The following PAPPA variants were observed in gnomAD, a reference collection of about 807,000 sequenced individuals.
PAPPA encodes the protein pappalysin-1.
In PAPPA, 60 loss-of-function variants were observed where a neutral mutation model predicts 164.0. The observed-to-expected ratio is 0.37, with a 90% CI of 0.30 to 0.45. The LOEUF is 0.45. PAPPA is among the 20% of genes least tolerant of loss of function. The pLI is 1.00. For synonymous variants in PAPPA, 875 were observed against 814.1 expected (o/e 1.07, Z -1.27); for missense variants, 1,782 against 2,087.3 (o/e 0.85, Z 2.85).
chr9:116,313,556 A>T (rs189031295), intron 10 of PAPPA, among the ~76,000 whole-genome samples: 1 of 152,310 alleles, frequency 6.6e-6, no homozygotes, highest in East Asian at 1.9e-4. Flanking sequence ...GAAGGAGGAG[A>T]TAAACTGACA....
At chr9:116,308,041 C>G (rs1845669177) in intron 10 of PAPPA, among the ~76,000 whole-genome samples, 1 of 152,180 alleles carries the variant, frequency 6.6e-6, no homozygotes, top group South Asian at 2.1e-4. Context: ...AAAGCTGGCT[C>G]TAGGGACCCA....
At chr9:116,363,444 C>T (rs1846456423) in intron 18 of PAPPA, among the ~76,000 whole-genome samples, 1 of 152,166 alleles carries the variant, frequency 6.6e-6, no homozygotes, top group African/African-American at 2.4e-5. Flanking sequence ...GAGAAATACA[C>T]ACAGTGAGAA....
intron 19 of PAPPA, among the ~76,000 whole-genome samples, chr9:116,370,977 C>A (rs918007269): frequency 1.3e-5 from 2 of 152,264 alleles, no homozygotes; most frequent in South Asian, 4.2e-4. Flanking sequence ...TGTCCTGGAG[C>A]AAATCCTGTC....
intron 9 of PAPPA, among the ~76,000 whole-genome samples, chr9:116,295,417 G>T (rs1387711597): frequency 6.6e-6 from 1 of 151,942 alleles, no homozygotes; most frequent in Non-Finnish European, 1.5e-5. Context: ...AGCCGGATGT[G>T]GTGGCGGGTG....
rs188394139 is a variant in PAPPA at position 116,346,979 on chromosome 9, T to C, written c.3781-47T>C. The C allele has an allele frequency of 5.9e-5, 90 of 1,523,192 alleles. No homozygotes were observed. In the Admixed American group the frequency reaches 1.6e-3, roughly 27 times the overall value. The allele number at this position is 1,523,192 out of a possible 1,614,324, so 94.4% of individuals were successfully genotyped here. A position where few individuals can be genotyped will look rare whatever the true frequency, so the allele number is the denominator to read the frequency against. On this transcript the variant is annotated intron_variant, in intron 14 of 21. Coordinates refer to ENST00000328252, the MANE Select transcript of PAPPA (RefSeq NM_002581.5). ...GGGAAGAAGGGTATTTCTCCACATCTAGAGCTCAGTCTGCCACTCCTCACT... is the reference window on the plus strand; with the variant it reads ...GGGAAGAAGGGTATTTCTCCACATCCAGAGCTCAGTCTGCCACTCCTCACT...
chr9:116,172,464 T>C (rs1305290412), intron 1 of PAPPA, among the ~76,000 whole-genome samples: 1 of 152,178 alleles, frequency 6.6e-6, no homozygotes, highest in Non-Finnish European at 1.5e-5. Context: ...CTAGACACAG[T>C]AGCCACAACC....
intron 12 of PAPPA, among the ~76,000 whole-genome samples, chr9:116,333,480 T>G (rs2118953353): frequency 6.6e-6 from 1 of 152,296 alleles, no homozygotes; most frequent in Admixed American, 6.5e-5. Context: ...AAGCCTGGAC[T>G]TCAAAGTTGT....
At chr9:116,231,760 C>CTTTTT (rs1470170244) in intron 6 of PAPPA, among the ~76,000 whole-genome samples, 2 of 2,826 alleles carry the variant, frequency 7.1e-4, no homozygotes, top group African/African-American at 2.6e-3. Context: ...CTTTTCTTTT[C>CTTTTT]TTTTTCTTTT....
At chr9:116,253,947 TTATC>T (rs1316831047) in intron 7 of PAPPA, among the ~76,000 whole-genome samples, 1 of 152,214 alleles carries the variant, frequency 6.6e-6, no homozygotes. Context: ...TCCAAACTCA[TTATC>T]TATACTGCTA....
At chr9:116,247,272 G>A (rs991751837) in intron 7 of PAPPA, among the ~76,000 whole-genome samples, 2 of 152,194 alleles carry the variant, frequency 1.3e-5, no homozygotes, top group Non-Finnish European at 1.5e-5. Flanking sequence ...AGGAATGCTA[G>A]TTTCAACTCT....
intron 2 of PAPPA, among the ~76,000 whole-genome samples, chr9:116,201,391 G>A (rs1587949340): frequency 6.6e-6 from 1 of 152,182 alleles, no homozygotes; most frequent in South Asian, 2.1e-4. Context: ...TCAGAATTTG[G>A]AAATGGGCAA....
Position 116,187,676 on chromosome 9 carries a change from C to T in PAPPA, c.938C>T (p.Ala313Val). The change falls in exon 2 of 22, where the codon GCC becomes GTC. Residue 313 changes from alanine (A) to valine (V), a missense_variant. Around this residue, in one of 2 missense-constraint regions of PAPPA, gnomAD observed 458 missense variants for 430.3 expected, o/e 1.06. Transcript: ENST00000328252. This position sits in a 1 kb window ranked among gnomAD's most constrained non-coding sequence, Gnocchi z 4.2. ...GSSPKVEFSN[A>V]HGFLLDTSLE... ...AGCCCCAAAGTGGAATTCAGCAATG[C>T]CCACGGCTTTCTGCTGGACACGAGT... The T allele has an allele frequency of 6.2e-7, 1 of 1,614,254 alleles. No homozygotes were observed.
intron 6 of PAPPA, among the ~76,000 whole-genome samples, chr9:116,234,310 C>T (rs982423124): frequency 4.6e-5 from 7 of 151,978 alleles, no homozygotes; most frequent in Non-Finnish European, 8.8e-5. Flanking sequence ...TCCTTCTCCC[C>T]GCTCCTCACC....
intron 7 of PAPPA, among the ~76,000 whole-genome samples, chr9:116,258,960 C>T (rs997987259): frequency 3.3e-5 from 5 of 151,878 alleles, no homozygotes; most frequent in African/African-American, 1.2e-4. Context: ...ATGGTAAAAC[C>T]CCATCTCTAC....
At chr9:116,288,562 G>T (rs1416048505) in intron 9 of PAPPA, 2 of 151,010 alleles carry the variant, frequency 1.3e-5, no homozygotes, top group African/African-American at 4.9e-5. Context: ...TGTTAAAGAA[G>T]AAAATTACAG....
At chr9:116,364,349 C>T (rs1340353708) in intron 18 of PAPPA, among the ~76,000 whole-genome samples, 1 of 152,194 alleles carries the variant, frequency 6.6e-6, no homozygotes, top group Non-Finnish European at 1.5e-5. Context: ...TGCTGCATAT[C>T]TATACCCACT....
At position 116,187,594 on chromosome 9, in the gene PAPPA, C is replaced by T. The variant is rs778367669; in HGVS notation, c.856C>T (p.Leu286Phe). 1.2e-6 allele frequency: 2 copies of T among 1,614,252 alleles called. No individual in the cohort carries two copies. Among genetic ancestry groups the T allele is most frequent in the South Asian group, 1.1e-5 (1 of 91,088 alleles). ...CCACACTGCTCTACCTCAGCTCCTC[C>T]TCCAGGAGAACTGGGACAATGTGAA... ...GAHTALPQLLLQENWDNVKHA... is the reference protein window; with the variant it reads ...GAHTALPQLLFQENWDNVKHA... Residue 286 changes from leucine to phenylalanine, a missense_variant, in exon 2 of 22, where the codon CTC becomes TTC. By Grantham distance (22) the Leu-to-Phe change is conservative (BLOSUM62 0). Transcript: ENST00000328252. This position sits in a 1 kb window ranked among gnomAD's most constrained non-coding sequence, Gnocchi z 4.2.
At chr9:116,214,052 G>T (rs1329864143) in intron 4 of PAPPA, among the ~76,000 whole-genome samples, 2 of 152,164 alleles carry the variant, frequency 1.3e-5, no homozygotes, top group African/African-American at 2.4e-5. Flanking sequence ...GTAGGGTAAA[G>T]GTTTGTGGTG....
chr9:116,364,741 A>C (rs1846476929), intron 18 of PAPPA, among the ~76,000 whole-genome samples: 1 of 152,170 alleles, frequency 6.6e-6, no homozygotes, highest in South Asian at 2.1e-4. Flanking sequence ...TCTTCTCTCC[A>C]TCAGAACAGT....
Sources: gnomAD v4.1 joint callset for allele counts (sites outside exome capture counted in the v4.1 genomes callset) on GRCh38, gnomAD v4.1.1 for gene constraint, gnomAD v4.1.1 regional missense constraint, Gnocchi (gnomAD v3.1) non-coding constraint, MANE v1.5 for transcripts, NCBI Gene and HGNC (gene_info 2026-07-23, HGNC 2026-07-21) for gene names.